Variants in TET1 observed in about 807,000 individuals in gnomAD.
The protein encoded by TET1 is methylcytosine dioxygenase TET1.
A neutral mutation model predicts 148.7 loss-of-function variants in TET1; 13 were observed. The observed-to-expected ratio is 0.09, with a 90% CI of 0.06 to 0.14. The LOEUF is 0.14. Ranked by LOEUF, TET1 falls within the 10% of genes least tolerant of loss-of-function variation. TET1 has a pLI of 1.00. For missense variants in TET1, 2,182 were observed against 2,553.8 expected, an observed-to-expected ratio of 0.85 and a Z score of 3.14; for synonymous variants, 907 against 937.2, an observed-to-expected ratio of 0.97 and a Z score of 0.59.
chr10:68,579,028 T>C lies in TET1; in HGVS notation c.1914+4776T>C, dbSNP rs10998300. On this transcript the variant is annotated intron_variant, in intron 2 of 11. Transcript: ENST00000373644. Reference sequence around the variant, plus strand: ...CAAGACCCTGTCTGAAAAAAAATAATAACTACCTTACTGAAATGTATAATC... The same window carrying C: ...CAAGACCCTGTCTGAAAAAAAATAACAACTACCTTACTGAAATGTATAATC... 3.7e-3 allele frequency among the ~76,000 whole-genome samples: 570 copies of C among 152,122 alleles called. 4 individuals carry two copies. The highest frequency in any genetic ancestry group is 0.013 in the African/African-American group (541 of 41,510).
At chr10:68,565,475 A>AAAAAAT (rs1388182777) in intron 1 of TET1, among the ~76,000 whole-genome samples, 19,839 of 128,452 alleles carry the variant, frequency 0.15, 2,069 homozygotes, top group Non-Finnish European at 0.22. Context: ...AAAAAAAAAA[A>AAAAAAT]ATATATATAT....
chr10:68,691,476 C>T lies in TET1; in HGVS notation c.6073C>T (p.Arg2025Ter), dbSNP rs368275418. The change falls in exon 12 of 12, where the codon CGA becomes TGA. Residue 2025 changes from arginine to a stop codon, truncating the protein, a stop_gained. Coordinates refer to ENST00000373644, the MANE Select transcript of TET1 (RefSeq NM_030625.3). LOFTEE classifies it low-confidence loss of function (END_TRUNC). The surrounding 1 kb of genome is among the most constrained non-coding windows in gnomAD (Gnocchi z 4.4). ...CTCGGTTTTGATTGAGTGTGCCCGG[C>T]GAGAGCTGCACGCTACCACTCCTGT... ...HGSVLIECAR[R>*]ELHATTPVEH... 2 of 1,613,874 alleles carry T rather than the reference C, an allele frequency of 1.2e-6. No individual in the cohort carries two copies. Among genetic ancestry groups the T allele is most frequent in the Non-Finnish European group, 1.7e-6 (2 of 1,180,016 alleles).
At chr10:68,632,221 C>A (rs1042716751) in intron 3 of TET1, 3 of 657,446 alleles carry the variant, frequency 4.6e-6, no homozygotes, top group Non-Finnish European at 7.7e-6. Flanking sequence ...ACTCAGGAGG[C>A]TGAGGCAGGA....
chr10:68,664,671 T>TA (rs35564300), intron 6 of TET1, among the ~76,000 whole-genome samples: 1 of 2,604 alleles, frequency 3.8e-4, no homozygotes. Flanking sequence ...CCAGCCTGCA[T>TA]TTTTTTTTTT....
Position 68,624,663 on chromosome 10 carries a change from TCTCTCTCTCTCTC to T in TET1, c.1969-20034_1969-20022del, listed in dbSNP as rs765131047. 7.8e-3 allele frequency among the ~76,000 whole-genome samples: 744 copies of T among 95,546 alleles called. 8 individuals are homozygous for T. The highest frequency in any genetic ancestry group is 0.012 in the African/African-American group (272 of 22,454). 62.7% of individuals were successfully genotyped at this position (95,546 alleles called of 152,430 possible). On this transcript the variant is annotated intron_variant, in intron 3 of 11. Transcript: ENST00000373644. Reference sequence around the variant, plus strand: ...TTCTTTCTTTCTTTCTTTCTTTCTCTCTCTCTCTCTCTCTCTCTCTCTCTCTCTCTCTCTTTCT... The same window carrying T: ...TTCTTTCTTTCTTTCTTTCTTTCTCTTCTCTCTCTCTCTCTCTCTCTTTCT...
rs147807909 is a variant in TET1, at chr10:68,647,099, T to G, written c.4276+94T>G. Reference sequence around the variant, plus strand: ...TCTGATTCATCTTTTTTGTGTGATATTTTTTCCCCATTCTTATTCTAACTA... The same window carrying G: ...TCTGATTCATCTTTTTTGTGTGATAGTTTTTCCCCATTCTTATTCTAACTA... On this transcript the variant is annotated intron_variant, in intron 4 of 11. Transcript: ENST00000373644. The G allele has an allele frequency of 1.6e-4, 205 of 1,257,512 alleles. No individual in the cohort carries two copies. The African/African-American group carries it at 2.8e-3, about 17-fold the overall frequency. The allele number at this position is 1,257,512 out of a possible 1,614,324, so 77.9% of individuals were successfully genotyped here.
rs147765246 is a variant in TET1 at position 68,642,307 on chromosome 10, G to A, written c.1969-2391G>A. On this transcript the variant is annotated intron_variant, in intron 3 of 11. Coordinates refer to ENST00000373644, the MANE Select transcript of TET1 (RefSeq NM_030625.3). ...AAATTAACCAGTTGTGGTTACAGGC[G>A]CCTGTAGACCCAGCTACTCAGAAGG... is the stretch of plus-strand genomic sequence containing the variant. Among the ~76,000 whole-genome samples, 51 of 152,142 alleles carry A rather than the reference G, an allele frequency of 3.4e-4. No homozygotes were observed. The East Asian group carries it at 8.5e-3, about 25-fold the overall frequency.
chr10:68,630,365 G>A (rs2054551907), intron 3 of TET1, among the ~76,000 whole-genome samples: 1 of 152,174 alleles, frequency 6.6e-6, no homozygotes, highest in South Asian at 2.1e-4. Flanking sequence ...AGGCTGGAGG[G>A]CAGTGGTGCT....
chr10:68,565,307 C>A (rs1355763189), intron 1 of TET1, among the ~76,000 whole-genome samples: 3 of 151,666 alleles, frequency 2.0e-5, no homozygotes, highest in African/African-American at 7.3e-5. Context: ...TGAGACCACC[C>A]TGTCTTTACA....
At chr10:68,685,388 G>A (rs923365962) in intron 10 of TET1, among the ~76,000 whole-genome samples, 1 of 152,082 alleles carries the variant, frequency 6.6e-6, no homozygotes, top group Non-Finnish European at 1.5e-5. Context: ...AGGGTTTACA[G>A]CTCCGGGATA....
chr10:68,572,096 C>A, intron 1 of TET1, 121 bp from the exon 2 acceptor site: 1 of 409,168 alleles, frequency 2.4e-6, no homozygotes, highest in Non-Finnish European at 4.4e-6. Context: ...CCAGCCTGGG[C>A]AACAGAATGA....
At chr10:68,640,764 G>T (rs960094239) in intron 3 of TET1, among the ~76,000 whole-genome samples, 7 of 150,898 alleles carry the variant, frequency 4.6e-5, no homozygotes, top group Non-Finnish European at 1.0e-4. Context: ...TGTTAGCCAG[G>T]ATGGTCTCTA....
chr10:68,561,632 G>A (rs910062541), intron 1 of TET1, among the ~76,000 whole-genome samples: 1 of 151,994 alleles, frequency 6.6e-6, no homozygotes, highest in Non-Finnish European at 1.5e-5. Context: ...CGGGCGAGGA[G>A]GCGGCCGCAC....
In TET1 at chr10:68,596,027, CATAT is replaced by C. The variant is rs1554932889; in HGVS notation, c.1915-4940_1915-4937del. On this transcript the variant is annotated intron_variant, in intron 2 of 11. Coordinates refer to ENST00000373644, the MANE Select transcript of TET1 (RefSeq NM_030625.3). ...ACACACACACACACACACACACACA[CATAT>C]ATATATATATATACACATTTTTTTT... Among the ~76,000 whole-genome samples the C allele has an allele frequency of 1.3e-3, 81 of 61,766 alleles. 3 individuals carry two copies. Among genetic ancestry groups the C allele is most frequent in the Non-Finnish European group, 1.7e-3 (60 of 34,758 alleles). The allele number at this position is 61,766 out of a possible 152,430, so 40.5% of individuals were successfully genotyped here. A position where few individuals can be genotyped will look rare whatever the true frequency, so the allele number is the denominator to read the frequency against.
chr10:68,668,099 T>G (rs1420956416), intron 7 of TET1, among the ~76,000 whole-genome samples: 2 of 152,248 alleles, frequency 1.3e-5, no homozygotes, highest in African/African-American at 4.8e-5. Context: ...TTTAACCACC[T>G]GTTAAATAAC....
chr10:68,612,180 C>T (rs1211369778), intron 3 of TET1, among the ~76,000 whole-genome samples: 11 of 151,762 alleles, frequency 7.2e-5, no homozygotes, highest in African/African-American at 2.4e-4. Context: ...ACCTCCGCCT[C>T]CTGGGTTCAA....
At chr10:68,604,221 A>T (rs2054094182) in intron 3 of TET1, among the ~76,000 whole-genome samples, 1 of 152,180 alleles carries the variant, frequency 6.6e-6, no homozygotes, top group Admixed American at 6.5e-5. Context: ...GGAGCAGGTG[A>T]GTAGGAGTGT....
Position 68,645,436 on chromosome 10 carries a change from G to A in TET1, c.2707G>A (p.Ala903Thr), listed in dbSNP as rs1262979953. The A allele has an allele frequency of 7.4e-6, 12 of 1,613,912 alleles. No individual in the cohort carries two copies. The highest frequency in any genetic ancestry group is 1.0e-5 in the Non-Finnish European group (12 of 1,180,030). ...AIEALTQLSE[A>T]PSENSSPSKS... ...AGAGGCCCTGACTCAACTCTCAGAA[G>A]CCCCATCAGAGAATTCCTCCCCATC... Residue 903 changes from alanine to threonine, a missense_variant, in exon 4 of 12, where the codon GCC (alanine) becomes ACC (threonine). By Grantham distance (58) the Ala-to-Thr change is moderately conservative. Transcript: ENST00000373644.
chr10:68,663,227 G>C (rs1393344546), intron 6 of TET1, among the ~76,000 whole-genome samples: 1 of 152,150 alleles, frequency 6.6e-6, no homozygotes, highest in African/African-American at 2.4e-5. Flanking sequence ...TGAACAGACT[G>C]GGGGAGAGAT....
Sources: gnomAD v4.1 joint callset for allele counts (sites outside exome capture counted in the v4.1 genomes callset) on GRCh38, gnomAD v4.1.1 for gene constraint, Gnocchi (gnomAD v3.1) non-coding constraint, MANE v1.5 for transcripts, NCBI Gene and HGNC (gene_info 2026-07-23, HGNC 2026-07-21) for gene names.